The following USP36 variants were observed in gnomAD, a reference collection of about 807,000 sequenced individuals.
The protein encoded by USP36 is ubiquitin carboxyl-terminal hydrolase 36.
In USP36, 59 loss-of-function variants were observed where a neutral mutation model predicts 111.5. The observed-to-expected ratio is 0.53, with a 90% confidence interval of 0.43 to 0.66. The LOEUF is 0.66. USP36 is among the 30% of genes least tolerant of loss of function. The pLI, the probability that USP36 is intolerant of heterozygous loss-of-function variation, is 0.00. For missense variants in USP36, 1,488 were observed against 1,468.0 expected (o/e 1.01, Z -0.22); for synonymous variants, 628 against 581.0 (o/e 1.08, Z -1.16).
At chr17:78,821,736 C>T (rs1226281206) in intron 7 of USP36, among the ~76,000 whole-genome samples, 1 of 152,044 alleles carries the variant, frequency 6.6e-6, no homozygotes, top group African/African-American at 2.4e-5. Flanking sequence ...CCACACCCAG[C>T]CCTCGTGGGA....
At position 78,826,732 on chromosome 17, in the gene USP36, G is replaced by A. The variant is rs1000534302; in HGVS notation, c.689+513C>T. 4.3e-5 allele frequency: 10 copies of A among 230,446 alleles called. 1 individual carries two copies. The highest frequency in any genetic ancestry group is 1.6e-3 in the Middle Eastern group (1 of 618). 14.3% of individuals were successfully genotyped at this position (230,446 alleles called of 1,614,324 possible). ...CATCACATATAAGGGCTTACGTGGC[G>A]TGTGAATAAGAAACAGCAGCCAGGC... On this transcript the variant is annotated intron_variant, in intron 6 of 20. Transcript: ENST00000449938.
In USP36 at chr17:78,807,462, T is replaced by C. The variant is rs761608387; in HGVS notation, c.1582A>G (p.Ile528Val). The C allele has an allele frequency of 8.7e-6, 14 of 1,613,756 alleles. 2 individuals are homozygous for C. In the Admixed American group the frequency reaches 1.8e-4, roughly 21 times the overall value. The change falls in exon 14 of 21, where the codon ATC becomes GTC. Residue 528 changes from isoleucine to valine, a missense_variant. Ile to Val is a conservative substitution (Grantham distance 29). Transcript: ENST00000449938. ...LSQTPTHMPT[I>V]LDDPGKKVKK... ...ACCTTCTTTCCAGGGTCGTCTAGGA[T>C]GGTTGGCATGTGTGTGGGTGTCTGG...
intron 12 of USP36, among the ~76,000 whole-genome samples, chr17:78,813,270 A>AC (rs3068285): frequency 1.3e-5 from 2 of 151,264 alleles, no homozygotes; most frequent in Non-Finnish European, 3.0e-5. Flanking sequence ...AGAAAGCAAG[A>AC]ACCTCAAACA....
exon 4 of USP36, chr17:78,787,560 A>G (rs6501249): frequency 0.54 from 82,572 of 152,040 alleles, 22,522 homozygotes; most frequent in East Asian, 0.63. Context: ...CGTTAGGGGC[A>G]CTGTTCGTGT....
intron 4 of USP36, among the ~76,000 whole-genome samples, chr17:78,833,565 T>C (rs1337024111): frequency 1.3e-5 from 2 of 152,162 alleles, no homozygotes; most frequent in Non-Finnish European, 2.9e-5. Flanking sequence ...CATTCTTCCA[T>C]AGACCAGGGA....
chr17:78,797,710 G>C lies in USP36; in HGVS notation c.*190C>G, dbSNP rs1288760211. 6.6e-6 allele frequency: 1 copy of C among 152,324 alleles called. No individual in the cohort carries two copies. Among genetic ancestry groups the C allele is most frequent in the Non-Finnish European group, 1.5e-5 (1 of 68,142 alleles). 9.4% of individuals were successfully genotyped at this position (152,324 alleles called of 1,614,324 possible). Reference sequence around the variant, plus strand: ...AGGGCTGGTCGGGAATGTCACCAAAGAGGTTCCGATCTAGAGAAGCCTCAA... The same window carrying C: ...AGGGCTGGTCGGGAATGTCACCAAACAGGTTCCGATCTAGAGAAGCCTCAA... On this transcript the variant is annotated 3_prime_UTR_variant, in exon 21 of 21. Coordinates refer to ENST00000449938, the MANE Select transcript of USP36 (RefSeq NM_001385174.1).
At position 78,803,841 on chromosome 17, in the gene USP36, G is replaced by A. The variant is rs2093819595; in HGVS notation, c.2354C>T (p.Pro785Leu). 6.2e-7 allele frequency: 1 copy of A among 1,612,726 alleles called. No homozygotes were observed. Among genetic ancestry groups the A allele is most frequent in the East Asian group, 2.2e-5 (1 of 44,842 alleles). Reference protein sequence around the residue: ...RSCSSISTALPQVNEDLVSLP... With the variant: ...RSCSSISTALLQVNEDLVSLP... ...AGACACAAGGTCCTCGTTGACCTGA[G>A]GCAGCGCCGTCGAGATGGAGGAGCA... The change falls in exon 16 of 21, where the codon CCT becomes CTT. Residue 785 changes from proline (P) to leucine (L), a missense_variant. Pro to Leu is a moderately conservative substitution (Grantham distance 98, BLOSUM62 -3). Around this residue, in one of 3 missense-constraint regions of USP36, gnomAD observed 1,073 missense variants for 994.1 expected, o/e 1.08. Coordinates refer to ENST00000449938, the MANE Select transcript of USP36 (RefSeq NM_001385174.1). The surrounding 1 kb of genome is among the most constrained non-coding windows in gnomAD (Gnocchi z 4.6).
chr17:78,816,175 T>A (rs55785416), intron 10 of USP36, among the ~76,000 whole-genome samples: 8,972 of 151,604 alleles, frequency 0.059, 857 homozygotes, highest in African/African-American at 0.2. Flanking sequence ...TTTTTTTTTT[T>A]AAGAAACACA....
At position 78,836,195 on chromosome 17, in the gene USP36, T is replaced by G. The variant is rs1324787796; in HGVS notation, c.169A>C (p.Lys57Gln). 1 of 1,614,034 alleles carries G rather than the reference T, an allele frequency of 6.2e-7. No homozygotes were observed. The highest frequency in any genetic ancestry group is 1.3e-5 in the African/African-American group (1 of 74,900). ...GGGTTGAGCAACACATATTTGCTCTTTAAGGCCTCCAGCTGGTAGGAGAAG... is the reference window on the plus strand; with the variant it reads ...GGGTTGAGCAACACATATTTGCTCTGTAAGGCCTCCAGCTGGTAGGAGAAG... ...KSFSYQLEAL[K>Q]SKYVLLNPKT... The change falls in exon 3 of 21, where the codon AAG becomes CAG. Residue 57 changes from lysine (K) to glutamine (Q), a missense_variant. Around this residue, in one of 3 missense-constraint regions of USP36, gnomAD observed 219 missense variants for 209.5 expected, o/e 1.05. Transcript: ENST00000449938.
At position 78,828,097 on chromosome 17, in the gene USP36, A is replaced by G. The variant is rs55890956; in HGVS notation, c.587-750T>C. On this transcript the variant is annotated intron_variant, in intron 5 of 20. Coordinates refer to ENST00000449938, the MANE Select transcript of USP36 (RefSeq NM_001385174.1). The stretch of plus-strand genomic sequence containing the variant: ...AAACAGTCAAGTGTGGTGCGCCTGT[A>G]ATCCCAGCTACTCAGAAGGCCAAGG... Among the ~76,000 whole-genome samples, 227 of 152,236 alleles carry G rather than the reference A, an allele frequency of 1.5e-3. 2 individuals carry two copies. The highest frequency in any genetic ancestry group is 5.3e-3 in the African/African-American group (220 of 41,546).
chr17:78,839,242 C>T (rs1367824154), intron 1 of USP36, among the ~76,000 whole-genome samples: 1 of 152,140 alleles, frequency 6.6e-6, no homozygotes, highest in African/African-American at 2.4e-5. Context: ...AACATTCAAA[C>T]ACACAGATGG....
At chr17:78,829,652 A>G (rs1223837404) in intron 4 of USP36, among the ~76,000 whole-genome samples, 2 of 152,232 alleles carry the variant, frequency 1.3e-5, no homozygotes, top group East Asian at 1.9e-4. Context: ...AACGTGTTCA[A>G]TAAAACTTTA....
In USP36 at chr17:78,802,280, C is replaced by T. The variant is rs2306526; in HGVS notation, c.3022+44G>A. 701,715 of 1,419,516 alleles carry T rather than the reference C, an allele frequency of 0.49. 180,116 individuals are homozygous for T. The highest frequency in any genetic ancestry group is 0.52 in the Non-Finnish European group (544,249 of 1,055,970). The allele number at this position is 1,419,516 out of a possible 1,614,324, so 87.9% of individuals were successfully genotyped here. A position where few individuals can be genotyped will look rare whatever the true frequency, so the allele number is the denominator to read the frequency against. On this transcript the variant is annotated intron_variant, in intron 17 of 20. Coordinates refer to ENST00000449938, the MANE Select transcript of USP36 (RefSeq NM_001385174.1). ...CCATGCGGTCCCCCAACCCCTCGCC[C>T]GGTGCACACCCATGCGGTTCCCACC... is the stretch of plus-strand genomic sequence containing the variant.
chr17:78,819,803 T>C lies in USP36; in HGVS notation c.911+127A>G, dbSNP rs73394987. Reference sequence around the variant, plus strand: ...GAAGTTTGAGTTTTTAGGACACACATAGGTTCCTCAAGAAATGCGAGCAGC... The same window carrying C: ...GAAGTTTGAGTTTTTAGGACACACACAGGTTCCTCAAGAAATGCGAGCAGC... On this transcript the variant is annotated intron_variant, in intron 9 of 20. Transcript: ENST00000449938. 3.0e-3 allele frequency: 2,673 copies of C among 905,218 alleles called. 46 individuals are homozygous for C. The African/African-American group carries it at 0.039, about 13-fold the overall frequency. 56.1% of individuals were successfully genotyped at this position (905,218 alleles called of 1,614,324 possible).
In USP36 at chr17:78,803,231, C is replaced by A. The variant is rs2093800859; in HGVS notation, c.2810+154G>T. Among the ~76,000 whole-genome samples, 1 of 152,122 alleles carries A rather than the reference C, an allele frequency of 6.6e-6. No individual in the cohort carries two copies. The highest frequency in any genetic ancestry group is 6.6e-5 in the Admixed American group (1 of 15,260). On this transcript the variant is annotated intron_variant, in intron 16 of 20. Coordinates refer to ENST00000449938, the MANE Select transcript of USP36 (RefSeq NM_001385174.1). This position sits in a 1 kb window ranked among gnomAD's most constrained non-coding sequence, Gnocchi z 4.6. ...GGATTACAGGTGTGAGCCACCACAC[C>A]CAGCCAGAGGAGACATCTGATCACA... is the stretch of plus-strand genomic sequence containing the variant.
intron 4 of USP36, among the ~76,000 whole-genome samples, chr17:78,830,339 G>A (rs915161434): frequency 5.9e-5 from 9 of 152,318 alleles, no homozygotes; most frequent in African/African-American, 2.2e-4. Context: ...CATAGCTCCA[G>A]TTCCTTCAAA....
chr17:78,836,053 C>T (rs1027311292), intron 3 of USP36, 58 bp downstream of exon 3: 6 of 1,589,016 alleles, frequency 3.8e-6, no homozygotes, highest in Non-Finnish European at 5.1e-6. Context: ...TATTTAAGTC[C>T]ATCCACTTCG....
At chr17:78,800,698 C>A (rs1483360535) in intron 17 of USP36, among the ~76,000 whole-genome samples, 2 of 152,232 alleles carry the variant, frequency 1.3e-5, no homozygotes, top group African/African-American at 4.8e-5. Context: ...TGGTGCCCTG[C>A]CCATTTAGCC....
Position 78,806,166 on chromosome 17 carries a change from G to C in USP36, c.2206C>G (p.His736Asp). ...CGGCCCAAAGCTTACCTGGCTCTAT[G>C]GACGGGCCAAGTGGAGGCAACGACG... is the stretch of plus-strand genomic sequence containing the variant. ...HPVVASTWPV[H>D]RARAVSPAPQ... The change falls in exon 15 of 21, where the codon CAT (histidine) becomes GAT (aspartate). Residue 736 changes from histidine (H) to aspartate (D), a missense_variant. His to Asp is a moderately conservative substitution (Grantham distance 81, BLOSUM62 -1). Coordinates refer to ENST00000449938, the MANE Select transcript of USP36 (RefSeq NM_001385174.1). 6.2e-7 allele frequency: 1 copy of C among 1,613,514 alleles called. No individual in the cohort carries two copies. Among genetic ancestry groups the C allele is most frequent in the Non-Finnish European group, 8.5e-7 (1 of 1,179,916 alleles).
Sources: gnomAD v4.1 joint callset for allele counts (sites outside exome capture counted in the v4.1 genomes callset) on GRCh38, gnomAD v4.1.1 for gene constraint, gnomAD v4.1.1 regional missense constraint, Gnocchi (gnomAD v3.1) non-coding constraint, MANE v1.5 for transcripts, NCBI Gene and HGNC (gene_info 2026-07-23, HGNC 2026-07-21) for gene names.